The following THRB variants were observed in gnomAD, a reference collection of about 807,000 sequenced individuals.
The protein encoded by THRB is nuclear receptor subfamily 1 group A member 2.
Under a neutral mutation model 47.8 loss-of-function variants are expected in THRB, and 12 were observed. That is an observed-to-expected ratio of 0.25 (90% confidence interval 0.16 to 0.41). The LOEUF (loss-of-function observed/expected upper bound fraction) is 0.41. Ranked by LOEUF, THRB falls within the 10% of genes least tolerant of loss-of-function variation. The pLI is 1.00. For synonymous variants in THRB, 218 were observed against 212.2 expected, an observed-to-expected ratio of 1.03 and a Z score of -0.24; for missense variants, 348 against 589.2, an observed-to-expected ratio of 0.59 and a Z score of 4.24.
Position 24,492,169 on chromosome 3 carries a change from C to T in THRB, c.-261+2483G>A, listed in dbSNP as rs147959046. Among the ~76,000 whole-genome samples, 817 of 152,224 alleles carry T rather than the reference C, an allele frequency of 5.4e-3. 9 individuals are homozygous for T. The highest frequency in any genetic ancestry group is 0.018 in the African/African-American group (755 of 41,524). Reference sequence around the variant, plus strand: ...TTGGACACAATCATTAATTTATTCACCAAAGAGTTATCCAGCACCTACTGT... The same window carrying T: ...TTGGACACAATCATTAATTTATTCATCAAAGAGTTATCCAGCACCTACTGT... On this transcript the variant is annotated intron_variant, in intron 1 of 10. Coordinates refer to ENST00000646209, the MANE Select transcript of THRB (RefSeq NM_001354712.2).
At chr3:24,230,973 A>C (rs1379933560) in intron 3 of THRB, among the ~76,000 whole-genome samples, 1 of 152,210 alleles carries the variant, frequency 6.6e-6, no homozygotes, top group Non-Finnish European at 1.5e-5. Flanking sequence ...GAGAGAGAGG[A>C]TCCATCTGAC....
chr3:24,487,191 TGTG>T (rs1560310749), intron 1 of THRB, among the ~76,000 whole-genome samples: 2 of 152,130 alleles, frequency 1.3e-5, no homozygotes, highest in Non-Finnish European at 2.9e-5. Flanking sequence ...AAGGTTCTGT[TGTG>T]GTGCTAGATA....
chr3:24,286,251 C>T (rs1049039419), intron 3 of THRB, among the ~76,000 whole-genome samples: 3 of 152,300 alleles, frequency 2.0e-5, no homozygotes, highest in Middle Eastern at 6.8e-3. Context: ...TGACATACCT[C>T]TTCCCATTTA....
chr3:24,142,305 G>C (rs2035558435), intron 8 of THRB, among the ~76,000 whole-genome samples: 1 of 152,220 alleles, frequency 6.6e-6, no homozygotes, highest in Non-Finnish European at 1.5e-5. Context: ...TATGGTAAAG[G>C]CCATCTAGGT....
Position 24,122,827 on chromosome 3 carries a change from T to C in THRB, c.*57A>G. On this transcript the variant is annotated 3_prime_UTR_variant, in exon 11 of 11. Transcript: ENST00000646209. ...AAACAAACAAAAAAGAGCTAGGCAA[T>C]GGAATGAAATGACACCCAGTAGTGC... 1 of 1,612,046 alleles carries C rather than the reference T, an allele frequency of 6.2e-7. No individual in the cohort carries two copies. The highest frequency in any genetic ancestry group is 8.5e-7 in the Non-Finnish European group (1 of 1,178,238).
chr3:24,443,155 G>A (rs907630884), intron 1 of THRB, among the ~76,000 whole-genome samples: 3 of 152,116 alleles, frequency 2.0e-5, no homozygotes, highest in African/African-American at 7.2e-5. Flanking sequence ...ACTCCAGCCT[G>A]GCAACAGAGT....
intron 3 of THRB, among the ~76,000 whole-genome samples, chr3:24,275,261 T>A (rs1362716305): frequency 1.3e-5 from 2 of 152,150 alleles, no homozygotes; most frequent in African/African-American, 2.4e-5. Context: ...ATAAAAGTTT[T>A]AAAAAAATGC....
intron 4 of THRB, among the ~76,000 whole-genome samples, chr3:24,207,243 T>C: frequency 6.6e-6 from 1 of 152,168 alleles, no homozygotes; most frequent in East Asian, 1.9e-4. Context: ...GCAAAAATCC[T>C]CAATAAAATA....
chr3:24,135,847 A>ATGTAAATT (rs371175625), intron 8 of THRB, among the ~76,000 whole-genome samples: 1 of 131,004 alleles, frequency 7.6e-6, no homozygotes, highest in East Asian at 2.1e-4. Flanking sequence ...ATATATATAT[A>ATGTAAATT]ATACATAAAT....
At chr3:24,177,320 A>G (rs1031865979) in intron 5 of THRB, among the ~76,000 whole-genome samples, 2 of 152,240 alleles carry the variant, frequency 1.3e-5, no homozygotes, top group African/African-American at 2.4e-5. Context: ...TTGGTTGTCA[A>G]CAGAGTTACT....
intron 1 of THRB, among the ~76,000 whole-genome samples, chr3:24,372,279 A>C (rs1379151506): frequency 6.6e-6 from 1 of 152,122 alleles, no homozygotes; most frequent in Non-Finnish European, 1.5e-5. Context: ...ATTTCAAGCT[A>C]CCAACATGAT....
At chr3:24,346,064 C>T (rs1421026027) in intron 1 of THRB, among the ~76,000 whole-genome samples, 1 of 151,920 alleles carries the variant, frequency 6.6e-6, no homozygotes, top group Non-Finnish European at 1.5e-5. Flanking sequence ...CTTGGAAACA[C>T]AGGAAGGAAT....
chr3:24,401,862 A>G (rs532518376), intron 1 of THRB, among the ~76,000 whole-genome samples: 1 of 152,026 alleles, frequency 6.6e-6, no homozygotes, highest in Non-Finnish European at 1.5e-5. Flanking sequence ...AAAAAAGCTC[A>G]CCCAAAGATT....
intron 2 of THRB, among the ~76,000 whole-genome samples, chr3:24,297,655 T>C (rs1364173356): frequency 6.6e-6 from 1 of 152,252 alleles, no homozygotes; most frequent in Non-Finnish European, 1.5e-5. Flanking sequence ...GTTCCCTCAC[T>C]GTTCTCGCCT....
intron 1 of THRB, among the ~76,000 whole-genome samples, chr3:24,339,605 T>C (rs933361790): frequency 6.6e-6 from 1 of 152,078 alleles, no homozygotes; most frequent in Admixed American, 6.5e-5. Context: ...AATACAAACA[T>C]GCGGCATCTT....
intron 1 of THRB, among the ~76,000 whole-genome samples, chr3:24,452,139 C>T (rs1351292550): frequency 6.6e-6 from 1 of 152,178 alleles, no homozygotes; most frequent in Non-Finnish European, 1.5e-5. Flanking sequence ...CCCAGTACTG[C>T]ACCAAATGAC....
chr3:24,362,539 C>A (rs1375587885), intron 1 of THRB, among the ~76,000 whole-genome samples: 1 of 152,104 alleles, frequency 6.6e-6, no homozygotes, highest in Non-Finnish European at 1.5e-5. Flanking sequence ...TTCTAATATC[C>A]AACACTGTAC....
chr3:24,275,547 T>A (rs2053829782), intron 3 of THRB, among the ~76,000 whole-genome samples: 1 of 152,202 alleles, frequency 6.6e-6, no homozygotes, highest in African/African-American at 2.4e-5. Context: ...GAGGCAATGG[T>A]TTGGAGAGCC....
chr3:24,451,916 T>G (rs985103643), intron 1 of THRB, among the ~76,000 whole-genome samples: 4 of 152,346 alleles, frequency 2.6e-5, no homozygotes, highest in South Asian at 4.1e-4. Flanking sequence ...ACTTCTATGT[T>G]GCAACAGATA....
Sources: allele counts gnomAD v4.1 joint callset (sites outside exome capture counted in the v4.1 genomes callset), GRCh38; gene constraint gnomAD v4.1.1; transcripts MANE v1.5; gene names NCBI Gene and HGNC (gene_info 2026-07-23, HGNC 2026-07-21).